The following CCDC171 variants were observed in gnomAD, a reference collection of about 807,000 sequenced individuals.
CCDC171 encodes the protein coiled-coil domain-containing protein 171.
In CCDC171, 177 loss-of-function variants were observed where a neutral mutation model predicts 168.2. The observed-to-expected ratio is 1.05, with a 90% confidence interval of 0.93 to 1.19. The LOEUF (loss-of-function observed/expected upper bound fraction) is 1.19, where lower values mean the gene tolerates loss of function less well. Among genes scored for constraint, CCDC171 ranks in the 50% most tolerant of loss-of-function variants. The pLI, the probability that CCDC171 is intolerant of heterozygous loss-of-function variation, is 0.00. For missense variants in CCDC171, 1,991 were observed against 1,539.0 expected (o/e 1.29, Z -4.91); for synonymous variants, 687 against 540.8 (o/e 1.27, Z -3.75).
intron 10 of CCDC171, among the ~76,000 whole-genome samples, chr9:15,683,299 T>C (rs2050162334): frequency 2.6e-5 from 4 of 152,048 alleles, no homozygotes; most frequent in Admixed American, 2.0e-4. Flanking sequence ...GCATTAAATA[T>C]GATTTTGGAA....
At chr9:15,842,253 C>T (rs1439769909) in intron 21 of CCDC171, among the ~76,000 whole-genome samples, 1 of 151,820 alleles carries the variant, frequency 6.6e-6, no homozygotes, top group Non-Finnish European at 1.5e-5. Context: ...AAGCAATATC[C>T]CCTGGGGCTT....
chr9:15,764,814 C>T (rs1432706120), intron 18 of CCDC171, among the ~76,000 whole-genome samples: 1 of 152,090 alleles, frequency 6.6e-6, no homozygotes, highest in South Asian at 2.1e-4. Context: ...TTAGAATTAC[C>T]TGTGGAGCTT....
chr9:15,815,117 C>G (rs909859186), intron 21 of CCDC171, among the ~76,000 whole-genome samples: 6 of 152,164 alleles, frequency 3.9e-5, no homozygotes, highest in African/African-American at 1.4e-4. Context: ...TCACACACCC[C>G]TTTTCATCAT....
At chr9:15,922,957 A>G (rs1825514274) in intron 25 of CCDC171, among the ~76,000 whole-genome samples, 1 of 151,558 alleles carries the variant, frequency 6.6e-6, no homozygotes, top group Non-Finnish European at 1.5e-5. Context: ...TATTTTGGAT[A>G]TTAATCCCTG....
chr9:15,718,615 C>G (rs2053246601), intron 11 of CCDC171, among the ~76,000 whole-genome samples: 2 of 152,198 alleles, frequency 1.3e-5, no homozygotes, highest in South Asian at 4.1e-4. Flanking sequence ...CCAGTTTTAG[C>G]TCAGCACAGA....
chr9:16,058,058 T>TAAC (rs1000985343), intron 1 of CCDC171, among the ~76,000 whole-genome samples: 5 of 147,956 alleles, frequency 3.4e-5, no homozygotes, highest in African/African-American at 1.3e-4. Flanking sequence ...AAAAAAATAA[T>TAAC]AATAATAATA....
chr9:15,711,177 A>G (rs946709074), intron 11 of CCDC171, among the ~76,000 whole-genome samples: 3 of 152,208 alleles, frequency 2.0e-5, no homozygotes, highest in Admixed American at 2.0e-4. Context: ...AATTTTAACT[A>G]ATTTAAATAT....
At chr9:16,093,482 C>G in the CCDC171 span, among the ~76,000 whole-genome samples, 1 of 152,232 alleles carries the variant, frequency 6.6e-6, no homozygotes, top group African/African-American at 2.4e-5. Context: ...GGTTGAGCAT[C>G]TGAAGAACGT....
At chr9:15,684,979 G>A (rs547340418) in intron 10 of CCDC171, among the ~76,000 whole-genome samples, 1 of 152,164 alleles carries the variant, frequency 6.6e-6, no homozygotes, top group South Asian at 2.1e-4. Context: ...CATCTGCTTA[G>A]CCAACATAGC....
intron 21 of CCDC171, among the ~76,000 whole-genome samples, chr9:15,839,850 ATACT>A (rs2060602542): frequency 6.6e-6 from 1 of 152,178 alleles, no homozygotes; most frequent in Admixed American, 6.5e-5. Flanking sequence ...CAGTAGTAAA[ATACT>A]TAATGCACAG....
In CCDC171 at chr9:15,779,146, A is replaced by C; in HGVS notation, c.3077A>C (p.Gln1026Pro). The change falls in exon 20 of 26, where the codon CAG (glutamine) becomes CCG (proline). Residue 1026 changes from glutamine to proline, a missense_variant. Physicochemically the swap from Gln to Pro is moderately conservative, Grantham distance 76. Coordinates refer to ENST00000380701, the MANE Select transcript of CCDC171 (RefSeq NM_173550.4). Reference protein sequence around the residue: ...GLQMQLNEFKQSKLITHEKFE... With the variant: ...GLQMQLNEFKPSKLITHEKFE... ...CAAATGCAATTAAATGAATTTAAGC[A>C]GTCTGTAAGTATATATCATTTAGGA... 1.9e-6 allele frequency: 3 copies of C among 1,551,532 alleles called. No individual in the cohort carries two copies. The highest frequency in any genetic ancestry group is 2.6e-6 in the Non-Finnish European group (3 of 1,149,876).
At chr9:16,030,479 A>G (rs993393392) in intron 6 of CCDC171, among the ~76,000 whole-genome samples, 1 of 152,226 alleles carries the variant, frequency 6.6e-6, no homozygotes, top group Non-Finnish European at 1.5e-5. Flanking sequence ...ATAGGTGTGT[A>G]CTGTTCAATT....
At chr9:15,879,734 T>G (rs1385096048) in intron 24 of CCDC171, among the ~76,000 whole-genome samples, 1 of 152,168 alleles carries the variant, frequency 6.6e-6, no homozygotes, top group Non-Finnish European at 1.5e-5. Flanking sequence ...GATGGATATT[T>G]GAAGTTATTT....
At chr9:15,892,678 A>G (rs1820380174) in intron 24 of CCDC171, among the ~76,000 whole-genome samples, 1 of 152,160 alleles carries the variant, frequency 6.6e-6, no homozygotes, top group Non-Finnish European at 1.5e-5. Context: ...ATTTCCATTC[A>G]CAGTTGCTGC....
At chr9:15,603,943 T>G (rs2043044896) in intron 6 of CCDC171, among the ~76,000 whole-genome samples, 1 of 152,240 alleles carries the variant, frequency 6.6e-6, no homozygotes. Context: ...ATAATTGCCA[T>G]TCTGACTGGC....
chr9:15,870,873 A>G (rs2131167056), intron 23 of CCDC171, among the ~76,000 whole-genome samples: 1 of 151,596 alleles, frequency 6.6e-6, no homozygotes, highest in South Asian at 2.1e-4. Flanking sequence ...AGAAATAGGA[A>G]TAGTACAGTA....
At chr9:16,004,705 C>G (rs1227216053) in intron 3 of CCDC171, among the ~76,000 whole-genome samples, 1 of 152,152 alleles carries the variant, frequency 6.6e-6, no homozygotes, top group African/African-American at 2.4e-5. Flanking sequence ...TGTCTAAATT[C>G]GAGACCTCTG....
At chr9:16,069,471 G>C in the CCDC171 span, among the ~76,000 whole-genome samples, 1 of 152,246 alleles carries the variant, frequency 6.6e-6, no homozygotes, top group African/African-American at 2.4e-5. Context: ...GAAGGCGCCA[G>C]CGTGCGAGCC....
intron 7 of CCDC171, among the ~76,000 whole-genome samples, chr9:15,638,425 T>G (rs1410296705): frequency 1.3e-5 from 2 of 152,116 alleles, no homozygotes; most frequent in Non-Finnish European, 2.9e-5. Flanking sequence ...TACTAGGTAC[T>G]TAAGTAATTG....
Sources: gnomAD v4.1 joint callset for allele counts (sites outside exome capture counted in the v4.1 genomes callset) on GRCh38, gnomAD v4.1.1 for gene constraint, MANE v1.5 for transcripts, NCBI Gene and HGNC (gene_info 2026-07-23, HGNC 2026-07-21) for gene names.